The following LIG3 variants were observed in gnomAD, a reference collection of about 807,000 sequenced individuals.
LIG3 encodes DNA ligase 3.
In LIG3, 58 loss-of-function variants were observed where a neutral mutation model predicts 110.9. That is an observed-to-expected ratio of 0.52 (90% CI 0.42 to 0.65). LIG3 has a LOEUF of 0.65. Ranked by LOEUF, LIG3 falls within the 30% of genes least tolerant of loss-of-function variation. LIG3 has a pLI of 0.00. For missense variants in LIG3, 1,094 were observed against 1,273.8 expected, an observed-to-expected ratio of 0.86 and a Z score of 2.15; for synonymous variants, 422 against 472.8, an observed-to-expected ratio of 0.89 and a Z score of 1.39.
rs531599539 is a variant in LIG3 at position 34,999,790 on chromosome 17, C to A, written c.2265C>A (p.Ser755Arg). The A allele has an allele frequency of 8.1e-6, 13 of 1,613,922 alleles. No homozygotes were observed. Among genetic ancestry groups the A allele is most frequent in the Middle Eastern group, 1.6e-4 (1 of 6,084 alleles). Reference protein sequence around the residue: ...LDMVKISKDPSKIPSWLKVNK... With the variant: ...LDMVKISKDPRKIPSWLKVNK... ...CATCTTTTCTCCTCTAGGACCCCAGCAAAATACCCAGCTGGTTGAAGGTCA... is the reference window on the plus strand; with the variant it reads ...CATCTTTTCTCCTCTAGGACCCCAGAAAAATACCCAGCTGGTTGAAGGTCA... Residue 755 changes from serine (S) to arginine (R), a missense_variant, in exon 16 of 20, where the codon AGC (serine) becomes AGA (arginine). By Grantham distance (110) the Ser-to-Arg change is moderately radical. Coordinates refer to ENST00000378526, the MANE Select transcript of LIG3 (RefSeq NM_013975.4).
chr17:34,986,025 A>C lies in LIG3; in HGVS notation c.585A>C (p.Lys195Asn). 1 of 1,614,190 alleles carries C rather than the reference A, an allele frequency of 6.2e-7. No homozygotes were observed. The highest frequency in any genetic ancestry group is 1.1e-5 in the South Asian group (1 of 91,080). The change falls in exon 3 of 20, where the codon AAA becomes AAC. Residue 195 changes from lysine (K) to asparagine (N), a missense_variant. Lys to Asn is a moderately conservative substitution (Grantham distance 94). Coordinates refer to ENST00000378526, the MANE Select transcript of LIG3 (RefSeq NM_013975.4). ...SSKAAGTPKK[K>N]AVVQAKLTTT... is the part of the protein sequence containing the mutation. ...AGGCAGCAGGTACACCAAAGAAGAA[A>C]GCTGTTGTCCAGGCTAAGTTGACAA...
intron 1 of LIG3, chr17:34,980,972 C>G (rs2090582547): frequency 6.6e-6 from 1 of 152,336 alleles, no homozygotes; most frequent in Non-Finnish European, 1.5e-5. Context: ...TGATCACTTC[C>G]CGCCTGCGTC....
intron 4 of LIG3, 52 bp from the exon 5 acceptor site, chr17:34,990,911 A>G (rs889980355): frequency 4.4e-6 from 7 of 1,575,826 alleles, no homozygotes; most frequent in African/African-American, 2.7e-5. Flanking sequence ...TTGAGTTTAT[A>G]TATTTATTTG....
intron 3 of LIG3, among the ~76,000 whole-genome samples, chr17:34,986,496 A>G (rs1434875074): frequency 1.3e-5 from 2 of 152,086 alleles, no homozygotes; most frequent in African/African-American, 4.8e-5. Context: ...TAATTTTTGT[A>G]TTTTTAGTAG....
At chr17:35,000,243 A>G (rs1430598794) in intron 16 of LIG3, among the ~76,000 whole-genome samples, 3 of 152,194 alleles carry the variant, frequency 2.0e-5, no homozygotes, top group African/African-American at 4.8e-5. Context: ...CTGTTAGCCA[A>G]AGCTTTTTTG....
Position 34,991,651 on chromosome 17 carries a change from AT to A in LIG3, c.1042-16del. 1.9e-6 allele frequency: 3 copies of A among 1,612,630 alleles called. No homozygotes were observed. Among genetic ancestry groups the A allele is most frequent in the Non-Finnish European group, 2.5e-6 (3 of 1,179,816 alleles). On this transcript the variant is annotated intron_variant, in intron 5 of 19. Coordinates refer to ENST00000378526, the MANE Select transcript of LIG3 (RefSeq NM_013975.4). The stretch of plus-strand genomic sequence containing the variant: ...GCCACCCTAGGGTTGCAGCAGTGGC[AT>A]TTTGGTTTTTGGAGACAGGGTGACG...
rs545766647 is a variant in LIG3, at chr17:34,999,708, T to G, written c.2257-74T>G. 3,214 of 1,369,192 alleles carry G rather than the reference T, an allele frequency of 2.3e-3. 4 individuals carry two copies. Among genetic ancestry groups the G allele is most frequent in the Non-Finnish European group, 3.1e-3 (2,930 of 958,484 alleles). The allele number at this position is 1,369,192 out of a possible 1,614,324, so 84.8% of individuals were successfully genotyped here. A position where few individuals can be genotyped will look rare whatever the true frequency, so the allele number is the denominator to read the frequency against. ...GCTGTTTAAGTGGCTTCTTATAATC[T>G]CATTACCAAGAGAAGGGATTTAAGC... On this transcript the variant is annotated intron_variant, in intron 15 of 19. Coordinates refer to ENST00000378526, the MANE Select transcript of LIG3 (RefSeq NM_013975.4).
chr17:34,996,555 A>G lies in LIG3; in HGVS notation c.1744-19A>G. 1 of 1,601,214 alleles carries G rather than the reference A, an allele frequency of 6.2e-7. No individual in the cohort carries two copies. The highest frequency in any genetic ancestry group is 8.6e-7 in the Non-Finnish European group (1 of 1,168,968). On this transcript the variant is annotated intron_variant, in intron 10 of 19. Coordinates refer to ENST00000378526, the MANE Select transcript of LIG3 (RefSeq NM_013975.4). Reference sequence around the variant, plus strand: ...GACTTTTGTCCTATGTGTACCTACTACCTCATTTTCCCTTACAGAAAGCAG... The same window carrying G: ...GACTTTTGTCCTATGTGTACCTACTGCCTCATTTTCCCTTACAGAAAGCAG...
chr17:34,992,791 A>AT, intron 8 of LIG3, 99 bp downstream of exon 8: 3 of 1,206,908 alleles, frequency 2.5e-6, no homozygotes, highest in Non-Finnish European at 3.3e-6. Context: ...GCACTTGCAA[A>AT]TTGACTGGAG....
At position 35,004,926 on chromosome 17, in the gene LIG3, T is replaced by C. The variant is rs2090883343; in HGVS notation, c.*420T>C. On this transcript the variant is annotated 3_prime_UTR_variant, in exon 20 of 20. Transcript: ENST00000378526. The stretch of plus-strand genomic sequence containing the variant: ...CCCATCCTTGCCTGTTCCTTTGTAC[T>C]TCCAGGCTCATTTTAAAGTTGTATT... The C allele has an allele frequency of 7.1e-5, 19 of 266,716 alleles. 1 individual carries two copies. In the South Asian group the frequency reaches 8.7e-4, roughly 12 times the overall value. 16.5% of individuals were successfully genotyped at this position (266,716 alleles called of 1,614,324 possible).
At chr17:34,998,900 G>A (rs909700570) in intron 14 of LIG3, 173 bp downstream of exon 14, 10 of 686,460 alleles carry the variant, frequency 1.5e-5, no homozygotes, top group South Asian at 8.4e-5. Context: ...CTGCTTACTC[G>A]GTTAGGGAGA....
chr17:34,998,289 A>C lies in LIG3; in HGVS notation c.1982A>C (p.Asp661Ala). 1 of 1,612,792 alleles carries C rather than the reference A, an allele frequency of 6.2e-7. No homozygotes were observed. The highest frequency in any genetic ancestry group is 8.5e-7 in the Non-Finnish European group (1 of 1,179,364). ...GGATTGGAGGGGCTGGTGCTGAAGG[A>C]TGTGAAGGTAAAGTGGCCTCGCTTG... ...QEGLEGLVLK[D>A]VKGTYEPGKR... Residue 661 changes from aspartate to alanine, a missense_variant, in exon 13 of 20, where the codon GAT becomes GCT. Transcript: ENST00000378526.
At position 34,982,996 on chromosome 17, in the gene LIG3, G is replaced by C. The variant is rs375940949; in HGVS notation, c.-4-6G>C. ...TTTTTTTTTGGCCTCCTACTCTTTC[G>C]TACAGCTATATGTCTTTGGCTTTCA... On this transcript the variant is annotated splice_polypyrimidine_tract_variant and splice_region_variant and intron_variant, in intron 1 of 19. Coordinates refer to ENST00000378526, the MANE Select transcript of LIG3 (RefSeq NM_013975.4). 2.1e-6 allele frequency: 3 copies of C among 1,424,574 alleles called. No homozygotes were observed. Among genetic ancestry groups the C allele is most frequent in the Admixed American group, 2.6e-5 (1 of 38,326 alleles). 88.2% of individuals were successfully genotyped at this position (1,424,574 alleles called of 1,614,324 possible).
chr17:34,980,681 GC>G (rs57311484), intron 1 of LIG3, 59 bp downstream of exon 1: 1,039,548 of 1,041,118 alleles, frequency 1, 518,998 homozygotes, highest in East Asian at 1. Context: ...AAGGCAGCGG[GC>G]CCGGGGCGAG....
In LIG3 at chr17:35,005,095, A is replaced by G. The variant is rs1215272486; in HGVS notation, c.*589A>G. On this transcript the variant is annotated 3_prime_UTR_variant, in exon 20 of 20. Transcript: ENST00000378526. ...TGTGTTCTCCTATTACATGGTGAGG[A>G]TCCCCAGTTTGAAGGGAGGGGACTA... is the stretch of plus-strand genomic sequence containing the variant. 2 of 338,976 alleles carry G rather than the reference A, an allele frequency of 5.9e-6. No homozygotes were observed. The highest frequency in any genetic ancestry group is 1.5e-4 in the East Asian group (2 of 13,514). The allele number at this position is 338,976 out of a possible 1,614,324, so 21.0% of individuals were successfully genotyped here. A position where few individuals can be genotyped will look rare whatever the true frequency, so the allele number is the denominator to read the frequency against.
At chr17:35,009,924 T>C (rs1329099169), downstream of LIG3, 2 of 152,652 alleles carry the variant, frequency 1.3e-5, no homozygotes, top group East Asian at 3.8e-4. Context: ...TGGTAGGCAT[T>C]GTAAACTATA....
intron 3 of LIG3, among the ~76,000 whole-genome samples, chr17:34,987,620 G>C (rs1237584418): frequency 6.6e-6 from 1 of 152,188 alleles, no homozygotes; most frequent in Non-Finnish European, 1.5e-5. Context: ...CTTGGGTTCT[G>C]GTCCTTGACA....
chr17:35,002,178 T>A lies in LIG3; in HGVS notation c.2674+74T>A. 2.3e-6 allele frequency: 3 copies of A among 1,289,284 alleles called. No individual in the cohort carries two copies. The Admixed American group carries it at 7.7e-5, about 33-fold the overall frequency. The allele number at this position is 1,289,284 out of a possible 1,614,324, so 79.9% of individuals were successfully genotyped here. A position where few individuals can be genotyped will look rare whatever the true frequency, so the allele number is the denominator to read the frequency against. On this transcript the variant is annotated intron_variant, in intron 18 of 19. Transcript: ENST00000378526. ...CAGAGATCCAAGGGCAGGGACCCAG[T>A]CTCACATTCCAGCCCTGAGATCTCA...
chr17:34,996,460 A>G (rs1242146026), intron 10 of LIG3, 114 bp from the exon 11 acceptor site: 6 of 923,078 alleles, frequency 6.5e-6, no homozygotes, highest in Non-Finnish European at 1.0e-5. Flanking sequence ...CAGAGCAGAA[A>G]TAGTACTTTT....
Sources: allele counts gnomAD v4.1 joint callset (sites outside exome capture counted in the v4.1 genomes callset), GRCh38; gene constraint gnomAD v4.1.1; transcripts MANE v1.5; gene names NCBI Gene and HGNC (gene_info 2026-07-23, HGNC 2026-07-21).